Variants in SSBP2 observed in about 807,000 individuals in gnomAD.
The protein encoded by SSBP2 is single stranded DNA binding protein 2.
Under a neutral mutation model 61.8 loss-of-function variants are expected in SSBP2, and 17 were observed. The observed-to-expected ratio is 0.28, with a 90% CI of 0.19 to 0.41. The LOEUF is 0.41. SSBP2 is among the 10% of genes least tolerant of loss of function. SSBP2 has a pLI of 1.00. For synonymous variants in SSBP2, 139 were observed against 141.3 expected, an observed-to-expected ratio of 0.98 and a Z score of 0.12; for missense variants, 310 against 458.7, an observed-to-expected ratio of 0.68 and a Z score of 2.96.
chr5:81,685,418 T>G (rs568092625), intron 1 of SSBP2, among the ~76,000 whole-genome samples: 1 of 152,250 alleles, frequency 6.6e-6, no homozygotes, highest in South Asian at 2.1e-4. Flanking sequence ...TGTACCACTG[T>G]GGCACATGTA....
intron 4 of SSBP2, among the ~76,000 whole-genome samples, chr5:81,593,417 G>T (rs1743335593): frequency 1.3e-5 from 2 of 152,294 alleles, no homozygotes; most frequent in Non-Finnish European, 2.9e-5. Context: ...AAAACACTCT[G>T]CAGAATATTA....
At chr5:81,498,674 A>G (rs1767471682) in intron 5 of SSBP2, among the ~76,000 whole-genome samples, 1 of 151,928 alleles carries the variant, frequency 6.6e-6, no homozygotes, top group African/African-American at 2.4e-5. Context: ...CCCGTATATA[A>G]TTTTCTCTAT....
chr5:81,591,748 A>C (rs1189577092), intron 4 of SSBP2, among the ~76,000 whole-genome samples: 1 of 152,244 alleles, frequency 6.6e-6, no homozygotes, highest in Non-Finnish European at 1.5e-5. Context: ...CACAGAGGAA[A>C]AAAAGTGGGA....
chr5:81,707,227 T>C (rs1205895441), intron 1 of SSBP2, among the ~76,000 whole-genome samples: 1 of 152,104 alleles, frequency 6.6e-6, no homozygotes, highest in East Asian at 1.9e-4. Context: ...GTAAATGTTA[T>C]AGGTAAAATT....
chr5:81,431,074 TC>T (rs1423674986), intron 15 of SSBP2, among the ~76,000 whole-genome samples: 2 of 152,156 alleles, frequency 1.3e-5, no homozygotes, highest in Non-Finnish European at 2.9e-5. Flanking sequence ...CCAAAAACCA[TC>T]CCAGAACAGG....
intron 1 of SSBP2, among the ~76,000 whole-genome samples, chr5:81,714,454 G>A (rs1221491205): frequency 6.6e-6 from 1 of 152,084 alleles, no homozygotes; most frequent in Admixed American, 6.5e-5. Flanking sequence ...TGGTATTTCT[G>A]GTTCTAGATC....
In SSBP2 at chr5:81,440,642, T is replaced by A; in HGVS notation, c.850-6A>T. On this transcript the variant is annotated splice_region_variant and splice_polypyrimidine_tract_variant and intron_variant, in intron 13 of 16. Transcript: ENST00000320672. The stretch of plus-strand genomic sequence containing the variant: ...GACCCAGGACCCATTGGAAACTATT[T>A]TAAAAATGAAGAAAATCACTGTAAT... 6.3e-7 allele frequency: 1 copy of A among 1,587,172 alleles called. No individual in the cohort carries two copies. Among genetic ancestry groups the A allele is most frequent in the Non-Finnish European group, 8.6e-7 (1 of 1,169,312 alleles).
At chr5:81,751,121 G>A (rs1395054086), upstream of SSBP2, 2 of 1,444,502 alleles carry the variant, frequency 1.4e-6, no homozygotes, top group Non-Finnish European at 1.9e-6. Flanking sequence ...CCGTCCCCAT[G>A]GCGACCCACG....
intron 4 of SSBP2, among the ~76,000 whole-genome samples, chr5:81,567,840 C>A (rs987233091): frequency 6.6e-6 from 1 of 152,212 alleles, no homozygotes; most frequent in Non-Finnish European, 1.5e-5. Flanking sequence ...GACTGTCCTG[C>A]TGAATTTTGG....
At chr5:81,583,641 A>AT (rs1258651413) in intron 4 of SSBP2, among the ~76,000 whole-genome samples, 1 of 151,916 alleles carries the variant, frequency 6.6e-6, no homozygotes, top group East Asian at 1.9e-4. Context: ...AAAAAAAAAA[A>AT]AAAAAAAGTA....
intron 5 of SSBP2, among the ~76,000 whole-genome samples, chr5:81,497,531 G>A (rs772066802): frequency 6.6e-6 from 1 of 152,046 alleles, no homozygotes; most frequent in Non-Finnish European, 1.5e-5. Context: ...CCGTTGATGT[G>A]GTAAAGAGTA....
chr5:81,688,123 G>C (rs910550425), intron 1 of SSBP2, among the ~76,000 whole-genome samples: 1 of 152,180 alleles, frequency 6.6e-6, no homozygotes, highest in Non-Finnish European at 1.5e-5. Flanking sequence ...TGTCCTGAAG[G>C]GAGCAGTAGC....
chr5:81,672,582 T>C (rs1031232015), intron 1 of SSBP2, among the ~76,000 whole-genome samples: 4 of 151,616 alleles, frequency 2.6e-5, no homozygotes, highest in African/African-American at 9.7e-5. Context: ...TCTTTTTTTT[T>C]TTTTTTGAGA....
chr5:81,690,099 TAAAC>T (rs1451498310), intron 1 of SSBP2, among the ~76,000 whole-genome samples: 3 of 151,116 alleles, frequency 2.0e-5, no homozygotes, highest in Admixed American at 1.3e-4. Context: ...ATACAACAGA[TAAAC>T]AAAAAAATAA....
chr5:81,515,663 A>C (rs572150426), intron 4 of SSBP2, among the ~76,000 whole-genome samples: 1 of 151,202 alleles, frequency 6.6e-6, no homozygotes, highest in Admixed American at 6.6e-5. Flanking sequence ...TTCACAGTTA[A>C]ATATTTGACT....
intron 4 of SSBP2, among the ~76,000 whole-genome samples, chr5:81,536,778 T>C (rs1366530917): frequency 6.6e-6 from 1 of 152,114 alleles, no homozygotes; most frequent in African/African-American, 2.4e-5. Context: ...ATATTGTACT[T>C]TGGGAGGCCA....
At chr5:81,578,539 C>A (rs1774402397) in intron 4 of SSBP2, among the ~76,000 whole-genome samples, 1 of 149,430 alleles carries the variant, frequency 6.7e-6, no homozygotes. Flanking sequence ...TAAAAAGTAT[C>A]AAAGGAACAA....
intron 4 of SSBP2, among the ~76,000 whole-genome samples, chr5:81,560,329 C>T (rs1433857579): frequency 6.6e-6 from 1 of 152,064 alleles, no homozygotes; most frequent in Non-Finnish European, 1.5e-5. Flanking sequence ...GCATTGCTCT[C>T]TATTTAGATA....
intron 4 of SSBP2, among the ~76,000 whole-genome samples, chr5:81,548,945 G>A (rs891862679): frequency 1.3e-5 from 2 of 152,006 alleles, no homozygotes; most frequent in African/African-American, 4.8e-5. Context: ...ATATTAAGAA[G>A]ATAGTTTTGT....
Sources: gnomAD v4.1 joint callset for allele counts (sites outside exome capture counted in the v4.1 genomes callset) on GRCh38, gnomAD v4.1.1 for gene constraint, MANE v1.5 for transcripts, NCBI Gene and HGNC (gene_info 2026-07-23, HGNC 2026-07-21) for gene names.